The following CENPW variants were observed in gnomAD, a reference collection of about 807,000 sequenced individuals.
CENPW encodes cancer-up-regulated gene 2 protein.
A neutral mutation model predicts 11.1 loss-of-function variants in CENPW; 3 were observed. The observed-to-expected ratio is 0.27, with a 90% confidence interval of 0.12 to 0.70. The LOEUF is 0.70. Among genes scored for constraint, CENPW ranks in the 30% least tolerant of loss-of-function variants. The probability of loss-of-function intolerance (pLI) is 0.77; values close to 1 mark genes in which losing one functional copy is unlikely to be tolerated. For synonymous variants in CENPW, 38 were observed against 42.0 expected, an observed-to-expected ratio of 0.91 and a Z score of 0.37; for missense variants, 100 against 105.6, an observed-to-expected ratio of 0.95 and a Z score of 0.23.
At chr6:126,437,805 C>T in the CENPW span, among the ~76,000 whole-genome samples, 88 of 151,536 alleles carry the variant, frequency 5.8e-4, no homozygotes, top group Middle Eastern at 3.4e-3. Flanking sequence ...GTTGAGTGTT[C>T]GGTTTATAAT....
the CENPW span, among the ~76,000 whole-genome samples, chr6:126,399,309 C>A: frequency 3.3e-5 from 5 of 151,814 alleles, no homozygotes; most frequent in African/African-American, 4.8e-5. Context: ...GGATGGGGAC[C>A]AGGGGATATG....
the CENPW span, among the ~76,000 whole-genome samples, chr6:126,466,474 T>C: frequency 6.6e-6 from 1 of 152,114 alleles, no homozygotes; most frequent in African/African-American, 2.4e-5. Flanking sequence ...TTCTCATTTT[T>C]GGAGTTGAGA....
chr6:126,418,647 T>C, the CENPW span, among the ~76,000 whole-genome samples: 4 of 152,054 alleles, frequency 2.6e-5, no homozygotes, highest in African/African-American at 7.2e-5. Context: ...AAAAATCCAG[T>C]AAACTCCAGA....
chr6:126,366,164 T>C, the CENPW span, among the ~76,000 whole-genome samples: 1 of 152,210 alleles, frequency 6.6e-6, no homozygotes, highest in African/African-American at 2.4e-5. Context: ...AATATATGTA[T>C]AGTATAGTTA....
chr6:126,350,542 A>G (rs1009688560), downstream of CENPW, among the ~76,000 whole-genome samples: 3 of 152,206 alleles, frequency 2.0e-5, no homozygotes, highest in African/African-American at 7.2e-5. Context: ...ACTGGTGATT[A>G]GATTTCAATG....
At chr6:126,416,235 A>C in the CENPW span, among the ~76,000 whole-genome samples, 1 of 152,138 alleles carries the variant, frequency 6.6e-6, no homozygotes, top group Non-Finnish European at 1.5e-5. Flanking sequence ...GAACGTTGAA[A>C]TTGAGAGAGA....
the CENPW span, among the ~76,000 whole-genome samples, chr6:126,451,315 G>T: frequency 1.3e-5 from 2 of 150,880 alleles, no homozygotes; most frequent in African/African-American, 4.9e-5. Flanking sequence ...AGCAAGCAGA[G>T]TAGGGAAGAA....
the CENPW span, among the ~76,000 whole-genome samples, chr6:126,385,159 G>A: frequency 6.6e-6 from 1 of 152,146 alleles, no homozygotes; most frequent in Non-Finnish European, 1.5e-5. Context: ...CTTCTGATGG[G>A]AATGTAAATT....
chr6:126,445,874 T>G, the CENPW span, among the ~76,000 whole-genome samples: 71 of 151,284 alleles, frequency 4.7e-4, no homozygotes, highest in African/African-American at 1.5e-3. Context: ...TCTCACCTAA[T>G]AAAAAGGGAA....
At chr6:126,417,469 T>C in the CENPW span, among the ~76,000 whole-genome samples, 1 of 152,152 alleles carries the variant, frequency 6.6e-6, no homozygotes, top group Non-Finnish European at 1.5e-5. Flanking sequence ...GGAAGAATGA[T>C]ATAGTTTAGC....
At chr6:126,442,222 CAT>C in the CENPW span, among the ~76,000 whole-genome samples, 33 of 151,694 alleles carry the variant, frequency 2.2e-4, no homozygotes, top group East Asian at 5.3e-3. Context: ...AGCATTTTTT[CAT>C]ATGTTTGTTG....
the CENPW span, among the ~76,000 whole-genome samples, chr6:126,355,167 C>G: frequency 1.3e-5 from 2 of 151,992 alleles, no homozygotes; most frequent in East Asian, 1.9e-4. Flanking sequence ...GAAATTGTAC[C>G]TACTACAGAG....
chr6:126,386,970 TA>T, the CENPW span, among the ~76,000 whole-genome samples: 1 of 152,000 alleles, frequency 6.6e-6, no homozygotes, highest in South Asian at 2.1e-4. Context: ...ATCACTAATT[TA>T]AAAATAATTT....
the CENPW span, among the ~76,000 whole-genome samples, chr6:126,458,523 C>A: frequency 6.6e-6 from 1 of 151,194 alleles, no homozygotes; most frequent in African/African-American, 2.4e-5. Flanking sequence ...CTTTTTCTAC[C>A]AGCCTGTTAC....
intron 2 of CENPW, among the ~76,000 whole-genome samples, chr6:126,348,018 T>A (rs1217127516): frequency 6.6e-6 from 1 of 152,010 alleles, no homozygotes; most frequent in African/African-American, 2.4e-5. Flanking sequence ...GGATTTGTCC[T>A]AGTTTATAGT....
the CENPW span, among the ~76,000 whole-genome samples, chr6:126,379,412 C>G: frequency 6.6e-6 from 1 of 152,096 alleles, no homozygotes; most frequent in Non-Finnish European, 1.5e-5. Context: ...GGAAATCTTA[C>G]TAATACTTGA....
chr6:126,480,313 G>A, the CENPW span, among the ~76,000 whole-genome samples: 2 of 152,020 alleles, frequency 1.3e-5, no homozygotes, highest in Non-Finnish European at 2.9e-5. Flanking sequence ...TTTGGGTTAT[G>A]AGGCATGGTG....
chr6:126,363,773 TC>T, the CENPW span, among the ~76,000 whole-genome samples: 14 of 152,320 alleles, frequency 9.2e-5, no homozygotes, highest in Non-Finnish European at 1.6e-4. Context: ...ACCTTATCTC[TC>T]CTATTCAAAG....
chr6:126,397,040 T>C, the CENPW span, among the ~76,000 whole-genome samples: 1 of 152,054 alleles, frequency 6.6e-6, no homozygotes, highest in Admixed American at 6.6e-5. Context: ...GTGGTGCAAG[T>C]ACTTCCTTAG....
Sources: allele counts gnomAD v4.1 joint callset (sites outside exome capture counted in the v4.1 genomes callset), GRCh38; gene constraint gnomAD v4.1.1; transcripts MANE v1.5; gene names NCBI Gene and HGNC (gene_info 2026-07-23, HGNC 2026-07-21).